Variants in OXR1 observed in about 807,000 individuals in gnomAD.
The protein encoded by OXR1 is oxidation resistance protein 1.
In OXR1, 41 loss-of-function variants were observed where a neutral mutation model predicts 104.6. That is an observed-to-expected ratio of 0.39 (90% CI 0.31 to 0.51). The LOEUF is 0.51. Ranked by LOEUF, OXR1 falls within the 20% of genes least tolerant of loss-of-function variation. The pLI is 0.77. For synonymous variants in OXR1, 348 were observed against 348.4 expected, an observed-to-expected ratio of 1.00 and a Z score of 0.01; for missense variants, 955 against 1,031.9, an observed-to-expected ratio of 0.93 and a Z score of 1.02.
At position 106,359,469 on chromosome 8, in the gene OXR1, T is replaced by G. The variant is rs531231237; in HGVS notation, c.-138-7T>G. 1.5e-6 allele frequency: 1 copy of G among 648,490 alleles called. No individual in the cohort carries two copies. Among genetic ancestry groups the G allele is most frequent in the East Asian group, 2.7e-5 (1 of 36,528 alleles). The allele number at this position is 648,490 out of a possible 1,614,324, so 40.2% of individuals were successfully genotyped here. ...TAGAGATATTCATTTATTTCTTTTC[T>G]TTATAGGTCCTCTCAAACTGTGAGT... is the stretch of plus-strand genomic sequence containing the variant. On this transcript the variant is annotated splice_polypyrimidine_tract_variant and splice_region_variant and intron_variant, in intron 1 of 16. Coordinates refer to ENST00000517566, the MANE Select transcript of OXR1 (RefSeq NM_001198533.2).
At chr8:106,586,004 T>A (rs141654100) in intron 3 of OXR1, among the ~76,000 whole-genome samples, 57 of 152,338 alleles carry the variant, frequency 3.7e-4, no homozygotes, top group African/African-American at 1.2e-3. Flanking sequence ...TTACTCTAAT[T>A]CTGGGCTAGA....
intron 3 of OXR1, among the ~76,000 whole-genome samples, chr8:106,647,843 C>G (rs1214522678): frequency 6.6e-6 from 1 of 152,136 alleles, no homozygotes; most frequent in Non-Finnish European, 1.5e-5. Context: ...TAATTTGTTA[C>G]TGGAGAAGAT....
intron 3 of OXR1, among the ~76,000 whole-genome samples, chr8:106,662,245 A>G (rs920712098): frequency 6.6e-6 from 1 of 152,154 alleles, no homozygotes; most frequent in African/African-American, 2.4e-5. Context: ...TGTTACTGGT[A>G]TGTGTGTGTA....
At chr8:106,365,204 A>T (rs1174070094) in intron 2 of OXR1, among the ~76,000 whole-genome samples, 1 of 152,128 alleles carries the variant, frequency 6.6e-6, no homozygotes, top group South Asian at 2.1e-4. Flanking sequence ...CCTCTGTGTG[A>T]TAGGAAAAGC....
chr8:106,338,584 A>G (rs1371458371), intron 1 of OXR1, among the ~76,000 whole-genome samples: 1 of 150,818 alleles, frequency 6.6e-6, no homozygotes, highest in Non-Finnish European at 1.5e-5. Context: ...AAAAAAAGCA[A>G]CCCAGTGTTA....
In OXR1 at chr8:106,684,356, C is replaced by T; in HGVS notation, c.522C>T (p.Thr174=). The T allele has an allele frequency of 6.8e-7, 1 of 1,475,878 alleles. No homozygotes were observed. Among genetic ancestry groups the T allele is most frequent in the Non-Finnish European group, 9.5e-7 (1 of 1,054,326 alleles). The allele number at this position is 1,475,878 out of a possible 1,614,324, so 91.4% of individuals were successfully genotyped here. The change falls in exon 6 of 17, where the codon ACC becomes ACT. Residue 174 remains threonine, a synonymous_variant. Transcript: ENST00000517566. ...CATCTGAGGCTGAATTTGATAAGACCACTGTAAGTATCTCTGCTTTGCAAA... is the reference window on the plus strand; with the variant it reads ...CATCTGAGGCTGAATTTGATAAGACTACTGTAAGTATCTCTGCTTTGCAAA... The part of the protein sequence containing the change: ...PTSSEAEFDK[T]TNPDVHPTEA...
chr8:106,650,447 G>T (rs1006303231), intron 3 of OXR1, among the ~76,000 whole-genome samples: 1 of 152,132 alleles, frequency 6.6e-6, no homozygotes, highest in Non-Finnish European at 1.5e-5. Flanking sequence ...ACTTAAGAAA[G>T]ATCACATTTT....
In OXR1 at chr8:106,369,170, G is replaced by T. The variant is rs376377928; in HGVS notation, c.23+9534G>T. Among the ~76,000 whole-genome samples, 181 of 151,952 alleles carry T rather than the reference G, an allele frequency of 1.2e-3. 2 individuals are homozygous for T. Among genetic ancestry groups the T allele is most frequent in the African/African-American group, 4.1e-3 (169 of 41,494 alleles). On this transcript the variant is annotated intron_variant, in intron 2 of 16. Coordinates refer to ENST00000517566, the MANE Select transcript of OXR1 (RefSeq NM_001198533.2). ...ATGATCAGTGATGTTAAGCTATTTT[G>T]CATATGTTTGCTGCATAAATGTCTT... is the stretch of plus-strand genomic sequence containing the variant.
rs1308656932 is a variant in OXR1 at position 106,427,030 on chromosome 8, G to A, written c.23+67394G>A. 8.5e-5 allele frequency among the ~76,000 whole-genome samples: 13 copies of A among 152,160 alleles called. No individual in the cohort carries two copies. The East Asian group carries it at 1.2e-3, about 14-fold the overall frequency. ...TTTTAATTCTGCTTCATGGCTGCGC[G>A]TTTTGTATACTGATTCATGACTGTA... On this transcript the variant is annotated intron_variant, in intron 2 of 16. Coordinates refer to ENST00000517566, the MANE Select transcript of OXR1 (RefSeq NM_001198533.2).
At chr8:106,326,958 CT>C (rs1814496048) in intron 1 of OXR1, among the ~76,000 whole-genome samples, 1 of 151,986 alleles carries the variant, frequency 6.6e-6, no homozygotes, top group African/African-American at 2.4e-5. Context: ...TTAATACTTC[CT>C]TTATGAGAGA....
At chr8:106,448,268 A>G (rs999661307) in intron 2 of OXR1, among the ~76,000 whole-genome samples, 2 of 152,184 alleles carry the variant, frequency 1.3e-5, no homozygotes, top group African/African-American at 2.4e-5. Flanking sequence ...TACTAAAGAA[A>G]GGGAAAACCC....
At chr8:106,736,351 G>A (rs1409253926) in intron 11 of OXR1, among the ~76,000 whole-genome samples, 1 of 152,056 alleles carries the variant, frequency 6.6e-6, no homozygotes, top group Non-Finnish European at 1.5e-5. Context: ...CTTTCAACAA[G>A]TTTACATAGC....
At chr8:106,431,544 A>C (rs1352505245) in intron 2 of OXR1, among the ~76,000 whole-genome samples, 1 of 152,226 alleles carries the variant, frequency 6.6e-6, no homozygotes, top group African/African-American at 2.4e-5. Context: ...CTCTGCCATC[A>C]TGCTTCATTT....
chr8:106,715,774 A>C (rs1832183232), intron 11 of OXR1, among the ~76,000 whole-genome samples: 1 of 152,134 alleles, frequency 6.6e-6, no homozygotes, highest in Non-Finnish European at 1.5e-5. Context: ...ACTATTGACT[A>C]TTTTGATTCA....
chr8:106,433,394 A>G (rs183460147), intron 2 of OXR1, among the ~76,000 whole-genome samples: 1 of 152,208 alleles, frequency 6.6e-6, no homozygotes, highest in African/African-American at 2.4e-5. Flanking sequence ...CAATTTGGGG[A>G]GGTTCGGACT....
intron 16 of OXR1, among the ~76,000 whole-genome samples, chr8:106,746,927 T>C (rs968630285): frequency 4.6e-5 from 7 of 152,198 alleles, no homozygotes; most frequent in African/African-American, 1.7e-4. Flanking sequence ...AAAAATGTCA[T>C]ACACAATGCC....
chr8:106,725,322 C>T (rs1265041835), intron 11 of OXR1, among the ~76,000 whole-genome samples: 1 of 151,946 alleles, frequency 6.6e-6, no homozygotes, highest in Non-Finnish European at 1.5e-5. Context: ...GAAAAGGTGG[C>T]ATCATGTGTG....
intron 3 of OXR1, among the ~76,000 whole-genome samples, chr8:106,590,931 G>A (rs10955426): frequency 6.6e-6 from 1 of 151,942 alleles, no homozygotes; most frequent in Non-Finnish European, 1.5e-5. Context: ...GGTAGCATGA[G>A]TGGACCTGGA....
chr8:106,327,469 C>A (rs1287593281), intron 1 of OXR1, among the ~76,000 whole-genome samples: 2 of 152,062 alleles, frequency 1.3e-5, no homozygotes, highest in African/African-American at 4.8e-5. Flanking sequence ...GACACCAGCA[C>A]AAAAATAGCA....
Sources: gnomAD v4.1 joint callset for allele counts (sites outside exome capture counted in the v4.1 genomes callset) on GRCh38, gnomAD v4.1.1 for gene constraint, MANE v1.5 for transcripts, NCBI Gene and HGNC (gene_info 2026-07-23, HGNC 2026-07-21) for gene names.